The following RGS18 variants were observed in gnomAD, a reference collection of about 807,000 sequenced individuals.
The protein encoded by RGS18 is regulator of G protein signaling 18.
In RGS18, 22 loss-of-function variants were observed where a neutral mutation model predicts 27.6. The observed-to-expected ratio is 0.80, with a 90% CI of 0.57 to 1.14. The LOEUF (loss-of-function observed/expected upper bound fraction) is 1.14, where lower values mean the gene tolerates loss of function less well. Ranked by LOEUF, RGS18 falls within the 50% of genes most tolerant of loss-of-function variation. The probability of loss-of-function intolerance (pLI) is 0.00; values close to 1 mark genes in which losing one functional copy is unlikely to be tolerated. For synonymous variants in RGS18, 89 were observed against 84.6 expected (o/e 1.05, Z -0.29); for missense variants, 299 against 269.6 (o/e 1.11, Z -0.76).
intron 3 of RGS18, among the ~76,000 whole-genome samples, chr1:192,164,558 T>TA (rs1656130886): frequency 6.6e-6 from 1 of 152,132 alleles, no homozygotes; most frequent in African/African-American, 2.4e-5. Flanking sequence ...TGCATCAGTG[T>TA]TGTTTCAGTA....
At chr1:192,167,682 G>A (rs1656186649) in intron 3 of RGS18, 1 of 152,078 alleles carries the variant, frequency 6.6e-6, no homozygotes, top group African/African-American at 2.4e-5. Flanking sequence ...AACTCCCAAA[G>A]TGCTGGGATT....
intron 3 of RGS18, among the ~76,000 whole-genome samples, chr1:192,175,344 G>A (rs1403459504): frequency 6.6e-6 from 1 of 151,462 alleles, no homozygotes; most frequent in Non-Finnish European, 1.5e-5. Context: ...TTGTATGTGA[G>A]CATGGAGGAA....
intron 3 of RGS18, among the ~76,000 whole-genome samples, chr1:192,170,496 A>G (rs1446555847): frequency 6.6e-6 from 1 of 152,096 alleles, no homozygotes; most frequent in Non-Finnish European, 1.5e-5. Flanking sequence ...CCTCATCAGA[A>G]GCAGAGCTGA....
chr1:192,164,011 G>A (rs1656117894), intron 3 of RGS18, among the ~76,000 whole-genome samples: 1 of 151,518 alleles, frequency 6.6e-6, no homozygotes, highest in Non-Finnish European at 1.5e-5. Context: ...TGTATGTTAT[G>A]TCATTAAAAG....
intron 3 of RGS18, chr1:192,169,605 A>G (rs560197605): frequency 6.6e-6 from 1 of 152,314 alleles, no homozygotes; most frequent in East Asian, 1.9e-4. Flanking sequence ...ATGCTTTTTA[A>G]TATCAGCAGA....
chr1:192,167,057 G>A lies in RGS18; in HGVS notation c.283+6618G>A, dbSNP rs147533596. On this transcript the variant is annotated intron_variant, in intron 3 of 4. Coordinates refer to ENST00000367460, the MANE Select transcript of RGS18 (RefSeq NM_130782.3). The stretch of plus-strand genomic sequence containing the variant: ...AAAAACTACAATAGTCTTAACCTTT[G>A]TATTAATACCTATTTACTTGAACTT... Among the ~76,000 whole-genome samples the A allele has an allele frequency of 2.2e-3, 331 of 152,212 alleles. 2 individuals are homozygous for A. Among genetic ancestry groups the A allele is most frequent in the African/African-American group, 7.5e-3 (313 of 41,516 alleles).
intron 1 of RGS18, 62 bp from the exon 2 acceptor site, chr1:192,159,158 T>A: frequency 8.3e-7 from 1 of 1,208,816 alleles, no homozygotes; most frequent in Non-Finnish European, 1.2e-6. Context: ...TTTCTGGTAG[T>A]CAGCAGGAGA....
chr1:192,184,361 G>T lies in RGS18; in HGVS notation c.515G>T (p.Ser172Ile). ...TNSITQPTLH[S>I]FDAAQSRVYQ... ...AGCATCACTCAACCTACCCTCCACA[G>T]TTTTGATGCTGCACAAAGCAGAGTG... The change falls in exon 5 of 5, where the codon AGT becomes ATT. Residue 172 changes from serine to isoleucine, a missense_variant. Transcript: ENST00000367460. The T allele has an allele frequency of 6.2e-7, 1 of 1,611,706 alleles. No homozygotes were observed.
intron 3 of RGS18, among the ~76,000 whole-genome samples, chr1:192,180,004 A>G (rs950120799): frequency 6.6e-6 from 1 of 151,642 alleles, no homozygotes; most frequent in African/African-American, 2.4e-5. Flanking sequence ...GAGTTCATGT[A>G]AATCTATAAT....
At chr1:192,166,054 GTTAATT>G (rs1444770882) in intron 3 of RGS18, among the ~76,000 whole-genome samples, 4 of 151,966 alleles carry the variant, frequency 2.6e-5, no homozygotes, top group African/African-American at 9.7e-5. Context: ...CTTTATAAAA[GTTAATT>G]TTATCAGTTT....
Position 192,184,778 on chromosome 1 carries a change from A to T in RGS18, c.*224A>T, listed in dbSNP as rs1225809296. 1 of 434,942 alleles carries T rather than the reference A, an allele frequency of 2.3e-6. No individual in the cohort carries two copies. The highest frequency in any genetic ancestry group is 2.0e-5 in the African/African-American group (1 of 49,866). 26.9% of individuals were successfully genotyped at this position (434,942 alleles called of 1,614,324 possible). On this transcript the variant is annotated 3_prime_UTR_variant, in exon 5 of 5. Coordinates refer to ENST00000367460, the MANE Select transcript of RGS18 (RefSeq NM_130782.3). ...ATGTCATTCCATTTATAATCAGAAA[A>T]AAAACTTATTTCTTAATCAAAAGGC...
intron 3 of RGS18, among the ~76,000 whole-genome samples, chr1:192,173,930 A>C (rs541450971): frequency 3.1e-4 from 47 of 151,146 alleles, no homozygotes; most frequent in African/African-American, 1.1e-3. Flanking sequence ...TTTTTCTTCT[A>C]CTGACTATGT....
In RGS18 at chr1:192,184,411, T is replaced by A; in HGVS notation, c.565T>A (p.Tyr189Asn). Residue 189 changes from tyrosine (Y) to asparagine (N), a missense_variant, in exon 5 of 5, where the codon TAT becomes AAT. Physicochemically the swap from Tyr to Asn is moderately radical, Grantham distance 143. Transcript: ENST00000367460. ...GTATCAGCTCATGGAACAAGACAGTTATACACGTTTTCTGAAATCTGACAT... is the reference window on the plus strand; with the variant it reads ...GTATCAGCTCATGGAACAAGACAGTAATACACGTTTTCTGAAATCTGACAT... Reference protein sequence around the residue: ...RVYQLMEQDSYTRFLKSDIYL... With the variant: ...RVYQLMEQDSNTRFLKSDIYL... 6.2e-7 allele frequency: 1 copy of A among 1,611,898 alleles called. No individual in the cohort carries two copies. The highest frequency in any genetic ancestry group is 8.5e-7 in the Non-Finnish European group (1 of 1,178,624).
rs202046410 is a variant in RGS18, at chr1:192,184,403, A to T, written c.557A>T (p.Gln186Leu). Reference sequence around the variant, plus strand: ...AGCAGAGTGTATCAGCTCATGGAACAAGACAGTTATACACGTTTTCTGAAA... The same window carrying T: ...AGCAGAGTGTATCAGCTCATGGAACTAGACAGTTATACACGTTTTCTGAAA... ...AQSRVYQLMEQDSYTRFLKSD... is the reference protein window; with the variant it reads ...AQSRVYQLMELDSYTRFLKSD... Residue 186 changes from glutamine to leucine, a missense_variant, in exon 5 of 5, where the codon CAA becomes CTA. Coordinates refer to ENST00000367460, the MANE Select transcript of RGS18 (RefSeq NM_130782.3). The T allele has an allele frequency of 5.5e-5, 88 of 1,611,786 alleles. No individual in the cohort carries two copies. The highest frequency in any genetic ancestry group is 5.8e-5 in the Non-Finnish European group (68 of 1,178,644).
At chr1:192,161,273 TTGTC>T (rs1337424212) in intron 3 of RGS18, among the ~76,000 whole-genome samples, 3 of 152,316 alleles carry the variant, frequency 2.0e-5, no homozygotes, top group South Asian at 4.1e-4. Flanking sequence ...AGGTGGAGCT[TTGTC>T]TGTGAGATGG....
rs377075664 is a variant in RGS18 at position 192,179,275 on chromosome 1, A to G, written c.284-2017A>G. Reference sequence around the variant, plus strand: ...AGGAGAGCAGAAAGAGAAATGGGCTATAACTAGAGAGTGAGAGTGAATCTA... The same window carrying G: ...AGGAGAGCAGAAAGAGAAATGGGCTGTAACTAGAGAGTGAGAGTGAATCTA... On this transcript the variant is annotated intron_variant, in intron 3 of 4. Coordinates refer to ENST00000367460, the MANE Select transcript of RGS18 (RefSeq NM_130782.3). Among the ~76,000 whole-genome samples the G allele has an allele frequency of 4.0e-5, 6 of 151,732 alleles. No homozygotes were observed. The East Asian group carries it at 5.9e-4, about 15-fold the overall frequency.
intron 2 of RGS18, among the ~76,000 whole-genome samples, chr1:192,159,604 C>T (rs1027141010): frequency 2.0e-5 from 3 of 152,044 alleles, no homozygotes; most frequent in African/African-American, 7.2e-5. Flanking sequence ...TGATAAAATG[C>T]TCATTAATTT....
chr1:192,181,382 G>A lies in RGS18; in HGVS notation c.374G>A (p.Ser125Asn), dbSNP rs112220830. The A allele has an allele frequency of 2.5e-6, 4 of 1,594,060 alleles. No homozygotes were observed. The highest frequency in any genetic ancestry group is 1.7e-4 in the Middle Eastern group (1 of 5,980). Residue 125 changes from serine to asparagine, a missense_variant, in exon 4 of 5, where the codon AGC becomes AAC. By Grantham distance (46) the Ser-to-Asn change is conservative. Coordinates refer to ENST00000367460, the MANE Select transcript of RGS18 (RefSeq NM_130782.3). ...FWIACEDFKKSKGPQQIHLKA... is the reference protein window; with the variant it reads ...FWIACEDFKKNKGPQQIHLKA... The stretch of plus-strand genomic sequence containing the variant: ...ATAGCCTGTGAAGATTTCAAGAAAA[G>A]CAAGGGACCTCAACAAATTCACCTT...
Position 192,159,284 on chromosome 1 carries a change from C to T in RGS18, c.184C>T (p.Arg62Cys), listed in dbSNP as rs767577887. 41 of 1,613,272 alleles carry T rather than the reference C, an allele frequency of 2.5e-5. No individual in the cohort carries two copies. Among genetic ancestry groups the T allele is most frequent in the Admixed American group, 5.0e-5 (3 of 59,990 alleles). ...GAAACCTGAGTTTCATGAAGACACC[C>T]GCTCCAGTAGATCTGGGCACTTGGC... is the stretch of plus-strand genomic sequence containing the variant. ...VQKPEFHEDT[R>C]SSRSGHLAKE... is the part of the protein sequence containing the mutation. Residue 62 changes from arginine to cysteine, a missense_variant, in exon 2 of 5, where the codon CGC (arginine) becomes TGC (cysteine). Coordinates refer to ENST00000367460, the MANE Select transcript of RGS18 (RefSeq NM_130782.3).
Sources: allele counts gnomAD v4.1 joint callset (sites outside exome capture counted in the v4.1 genomes callset), GRCh38; gene constraint gnomAD v4.1.1; transcripts MANE v1.5; gene names NCBI Gene and HGNC (gene_info 2026-07-23, HGNC 2026-07-21).